EYA1: variants seen among roughly 807,000 people sequenced by gnomAD.
EYA1 encodes the protein EYA transcriptional coactivator and phosphatase 1.
Under a neutral mutation model 82.0 loss-of-function variants are expected in EYA1, and 16 were observed. That is an observed-to-expected ratio of 0.20 (90% confidence interval 0.13 to 0.30). The LOEUF (loss-of-function observed/expected upper bound fraction) is 0.30. Among genes scored for constraint, EYA1 ranks in the 10% least tolerant of loss-of-function variants. EYA1 has a pLI of 1.00. For missense variants in EYA1, 633 were observed against 730.7 expected (o/e 0.87, Z 1.54); for synonymous variants, 261 against 264.4 (o/e 0.99, Z 0.12).
intron 12 of EYA1, among the ~76,000 whole-genome samples, chr8:71,233,543 G>A (rs112238551): frequency 1.1e-4 from 15 of 141,482 alleles, no homozygotes; most frequent in Non-Finnish European, 2.0e-4. Context: ...CATCCTGGGC[G>A]ACAGAGTGAG....
intron 2 of EYA1, among the ~76,000 whole-genome samples, chr8:71,413,837 T>C (rs1830725818): frequency 6.6e-6 from 1 of 152,234 alleles, no homozygotes; most frequent in Admixed American, 6.5e-5. Flanking sequence ...GCTAAATGTC[T>C]TACTTCTAAA....
At chr8:71,394,472 G>A (rs1254915471) in intron 2 of EYA1, among the ~76,000 whole-genome samples, 1 of 152,096 alleles carries the variant, frequency 6.6e-6, no homozygotes, top group Non-Finnish European at 1.5e-5. Context: ...TTTTGTATAA[G>A]GTGTAAGGAA....
In EYA1 at chr8:71,420,083, C is replaced by T. The variant is rs78256694; in HGVS notation, c.34-63572G>A. ...CTGAAAAATGTTTAGCTCAACCATG[C>T]ATAATTGATAGGCTCCCTAGTGCAA... On this transcript the variant is annotated intron_variant, in intron 2 of 18. Coordinates refer to the EYA1 transcript ENST00000643681. 1.5e-3 allele frequency among the ~76,000 whole-genome samples: 221 copies of T among 152,226 alleles called. 1 individual carries two copies. Among genetic ancestry groups the T allele is most frequent in the African/African-American group, 5.2e-3 (217 of 41,556 alleles).
chr8:71,515,287 C>T (rs571265757), intron 2 of EYA1, among the ~76,000 whole-genome samples: 1 of 152,016 alleles, frequency 6.6e-6, no homozygotes, highest in African/African-American at 2.4e-5. Context: ...GTGGCAAAGC[C>T]CAAATAGGAA....
chr8:71,342,807 C>T (rs147241918), intron 3 of EYA1, among the ~76,000 whole-genome samples: 2 of 152,250 alleles, frequency 1.3e-5, no homozygotes, highest in Non-Finnish European at 2.9e-5. Flanking sequence ...AAATCCTAGT[C>T]TCCATAATTT....
At chr8:71,432,732 G>C (rs554863862) in intron 2 of EYA1, among the ~76,000 whole-genome samples, 1 of 152,242 alleles carries the variant, frequency 6.6e-6, no homozygotes, top group Non-Finnish European at 1.5e-5. Context: ...GAAGTACTGG[G>C]GAGGGGAGGA....
At chr8:71,241,422 A>G (rs1421575038) in intron 12 of EYA1, among the ~76,000 whole-genome samples, 1 of 152,202 alleles carries the variant, frequency 6.6e-6, no homozygotes, top group African/African-American at 2.4e-5. Context: ...AAGCATGTAC[A>G]CTGATTCATA....
rs575884979 is a variant in EYA1, at chr8:71,428,101, T to A, written c.34-71590A>T. Among the ~76,000 whole-genome samples, 13 of 152,292 alleles carry A rather than the reference T, an allele frequency of 8.5e-5. No individual in the cohort carries two copies. In the South Asian group the frequency reaches 2.5e-3, roughly 29 times the overall value. On this transcript the variant is annotated intron_variant, in intron 2 of 18. Transcript: ENST00000643681. ...CCATGTTTCCATTGAATGGTTAAGT[T>A]GCCATAAGAAGCAATTTTTTGGCTT...
intron 9 of EYA1, among the ~76,000 whole-genome samples, chr8:71,288,435 G>T (rs891271723): frequency 2.6e-5 from 4 of 152,160 alleles, no homozygotes; most frequent in Admixed American, 2.6e-4. Context: ...CCCATTCAGA[G>T]ATGTCACCAA....
intron 17 of EYA1, among the ~76,000 whole-genome samples, chr8:71,206,930 A>G (rs1465456941): frequency 1.5e-5 from 2 of 133,154 alleles, no homozygotes; most frequent in African/African-American, 2.6e-5. Context: ...TAATTTTTAT[A>G]TCTTTTATAA....
chr8:71,412,615 G>T (rs987952253), intron 2 of EYA1, among the ~76,000 whole-genome samples: 9 of 152,100 alleles, frequency 5.9e-5, no homozygotes, highest in Non-Finnish European at 1.5e-5. Context: ...AAGGCAATGA[G>T]TTGAGATTAT....
At chr8:71,331,285 C>CACACACATATAT (rs554459560) in intron 4 of EYA1, among the ~76,000 whole-genome samples, 19 of 127,470 alleles carry the variant, frequency 1.5e-4, no homozygotes, top group African/African-American at 5.3e-4. Context: ...CACACACACA[C>CACACACATATAT]ATATATATAC....
chr8:71,450,226 CT>C (rs1807246601), intron 2 of EYA1, among the ~76,000 whole-genome samples: 1 of 152,204 alleles, frequency 6.6e-6, no homozygotes. Context: ...AAGAGGCCTA[CT>C]TTTGGCCTGT....
chr8:71,369,032 CAAAAA>C (rs60647486), intron 2 of EYA1, among the ~76,000 whole-genome samples: 29 of 112,832 alleles, frequency 2.6e-4, no homozygotes, highest in African/African-American at 9.6e-4. Flanking sequence ...ACTAAAAATA[CAAAAA>C]AAAAAAAAAA....
chr8:71,284,566 T>C (rs962277450), intron 9 of EYA1, among the ~76,000 whole-genome samples: 2 of 152,214 alleles, frequency 1.3e-5, no homozygotes, highest in Non-Finnish European at 2.9e-5. Flanking sequence ...AAATAATGCA[T>C]GCTAAAGTGT....
intron 2 of EYA1, among the ~76,000 whole-genome samples, chr8:71,469,243 G>A (rs1018585977): frequency 6.6e-6 from 1 of 152,084 alleles, no homozygotes; most frequent in Non-Finnish European, 1.5e-5. Flanking sequence ...ATATTTTAAT[G>A]TGGTAAGTAC....
intron 3 of EYA1, 146 bp downstream of exon 3, chr8:71,354,636 G>A (rs1036367732): frequency 8.8e-6 from 7 of 791,726 alleles, no homozygotes; most frequent in Non-Finnish European, 1.3e-5. Flanking sequence ...AATGAGTACT[G>A]ATTGGTAAGT....
intron 2 of EYA1, among the ~76,000 whole-genome samples, chr8:71,492,469 T>TTA (rs71966343): frequency 0.095 from 6,796 of 71,324 alleles, 275 homozygotes; most frequent in East Asian, 0.29. Context: ...TTTATTATTA[T>TTA]TTTTTTTTTT....
At chr8:71,371,574 C>T (rs1036318013) in intron 2 of EYA1, among the ~76,000 whole-genome samples, 45 of 152,102 alleles carry the variant, frequency 3.0e-4, no homozygotes, top group African/African-American at 1.0e-3. Context: ...AGTTAATGCC[C>T]TACTGTTAAA....
Sources: allele counts gnomAD v4.1 joint callset (sites outside exome capture counted in the v4.1 genomes callset), GRCh38; gene constraint gnomAD v4.1.1; transcripts MANE v1.5; gene names NCBI Gene and HGNC (gene_info 2026-07-23, HGNC 2026-07-21).